The following SNX32 variants were observed in gnomAD, a reference collection of about 807,000 sequenced individuals.
SNX32 encodes sorting nexin-32.
A neutral mutation model predicts 57.0 loss-of-function variants in SNX32; 58 were observed. The observed-to-expected ratio is 1.02, with a 90% CI of 0.82 to 1.27. SNX32 has a LOEUF of 1.27. SNX32 is among the 50% of genes most tolerant of loss of function. The pLI is 0.00. For synonymous variants in SNX32, 262 were observed against 220.4 expected, an observed-to-expected ratio of 1.19 and a Z score of -1.67; for missense variants, 589 against 541.2, an observed-to-expected ratio of 1.09 and a Z score of -0.88.
chr11:65,834,797 G>A (rs1858616812), intron 1 of SNX32, among the ~76,000 whole-genome samples: 1 of 148,938 alleles, frequency 6.7e-6, no homozygotes, highest in Non-Finnish European at 1.5e-5. Context: ...GTGTCTCTGT[G>A]TGTGTGTATG....
intron 1 of SNX32, among the ~76,000 whole-genome samples, chr11:65,838,000 A>G (rs569240014): frequency 4.1e-4 from 62 of 152,128 alleles, no homozygotes; most frequent in African/African-American, 1.4e-3. Context: ...TACTAAAAAT[A>G]CAAAAATTAG....
rs185072566 is a variant in SNX32, at chr11:65,844,876, G to C, written c.37-4602G>C. Among the ~76,000 whole-genome samples the C allele has an allele frequency of 2.6e-3, 399 of 151,442 alleles. 4 individuals are homozygous for C. Among genetic ancestry groups the C allele is most frequent in the African/African-American group, 9.3e-3 (383 of 41,238 alleles). On this transcript the variant is annotated intron_variant, in intron 1 of 12. Transcript: ENST00000308342. ...AGCTACTCAGGAGGCTGAGGCAGGA[G>C]AATCACTTGAACCTGGGAGGCGGAG... is the stretch of plus-strand genomic sequence containing the variant.
chr11:65,849,726 G>A (rs1033872466), intron 2 of SNX32, 144 bp downstream of exon 2: 2 of 829,430 alleles, frequency 2.4e-6, no homozygotes, highest in African/African-American at 3.4e-5. Flanking sequence ...TGGAAAGTGA[G>A]CCTCTTAGCT....
At chr11:65,836,054 T>C (rs1443314254) in intron 1 of SNX32, among the ~76,000 whole-genome samples, 1 of 152,160 alleles carries the variant, frequency 6.6e-6, no homozygotes, top group Non-Finnish European at 1.5e-5. Context: ...TTATTTTTGC[T>C]GTATGTTCTG....
chr11:65,853,017 T>TC, intron 12 of SNX32, 59 bp downstream of exon 12: 1 of 1,494,864 alleles, frequency 6.7e-7, no homozygotes, highest in Non-Finnish European at 9.2e-7. Context: ...CCTCCCTCCC[T>TC]CCCCCAGGCA....
chr11:65,838,206 G>A (rs190127126), intron 1 of SNX32, among the ~76,000 whole-genome samples: 2 of 128,368 alleles, frequency 1.6e-5, no homozygotes, highest in African/African-American at 2.8e-5. Context: ...AGGAAGAAAA[G>A]AAGGAAGGAA....
chr11:65,848,153 G>C (rs892395119), intron 1 of SNX32, among the ~76,000 whole-genome samples: 2 of 152,172 alleles, frequency 1.3e-5, no homozygotes, highest in African/African-American at 4.8e-5. Flanking sequence ...AAAGCAGAGA[G>C]AGGAGAGAGT....
intron 1 of SNX32, among the ~76,000 whole-genome samples, chr11:65,846,335 C>T (rs1408679734): frequency 6.6e-6 from 1 of 151,480 alleles, no homozygotes; most frequent in Non-Finnish European, 1.5e-5. Context: ...CTTTGGAGGC[C>T]GAGGCGGGCG....
chr11:65,852,671 G>A lies in SNX32; in HGVS notation c.954G>A (p.Glu318=), dbSNP rs775706839. 3.8e-6 allele frequency: 6 copies of A among 1,599,010 alleles called. No homozygotes were observed. The African/African-American group carries it at 8.0e-5, about 21-fold the overall frequency. ...GGCTGCGGGCACTGGCCGACTACGA[G>A]AATGCCAACAAGGCGCTGGACAAGG... ...YRRLRALADY[E]NANKALDKAR... is the part of the protein sequence containing the mutation. Residue 318 remains glutamate, a synonymous_variant, in exon 11 of 13, where the codon GAG becomes GAA. Coordinates refer to ENST00000308342, the MANE Select transcript of SNX32 (RefSeq NM_152760.3).
chr11:65,834,644 A>G (rs1489255088), intron 1 of SNX32, among the ~76,000 whole-genome samples: 4 of 140,526 alleles, frequency 2.8e-5, no homozygotes, highest in Non-Finnish European at 6.1e-5. Context: ...GCATGTATGC[A>G]TCTGTGTGTG....
At position 65,853,381 on chromosome 11, in the gene SNX32, C is replaced by T. The variant is rs1565256957; in HGVS notation, c.*46C>T. ...ACCCTAATCTGGGATCTCCAGTGAC[C>T]AGGGTATCCCAGACCCCTCTCTCCG... On this transcript the variant is annotated 3_prime_UTR_variant, in exon 13 of 13. Coordinates refer to ENST00000308342, the MANE Select transcript of SNX32 (RefSeq NM_152760.3). 2 of 1,587,800 alleles carry T rather than the reference C, an allele frequency of 1.3e-6. No homozygotes were observed. Among genetic ancestry groups the T allele is most frequent in the Non-Finnish European group, 8.6e-7 (1 of 1,156,696 alleles).
chr11:65,843,986 AG>A (rs2134693262), intron 1 of SNX32, among the ~76,000 whole-genome samples: 1 of 152,314 alleles, frequency 6.6e-6, no homozygotes, highest in African/African-American at 2.4e-5. Context: ...ATTCCTCACC[AG>A]GTAATACCAG....
At chr11:65,841,133 C>T (rs548402411) in intron 1 of SNX32, among the ~76,000 whole-genome samples, 63 of 149,504 alleles carry the variant, frequency 4.2e-4, no homozygotes, top group African/African-American at 1.4e-3. Flanking sequence ...TTAGCAGAGA[C>T]GGGGTTTTAC....
rs1591025351 is a variant in SNX32 at position 65,839,270 on chromosome 11, C to G, written c.36+5169C>G. ...TTTGAGACGGAGTCTCGCTCTGTCGCCCAGGCTGGAGTGCAGTGGCGGGAT... is the reference window on the plus strand; with the variant it reads ...TTTGAGACGGAGTCTCGCTCTGTCGGCCAGGCTGGAGTGCAGTGGCGGGAT... On this transcript the variant is annotated intron_variant, in intron 1 of 12. Coordinates refer to ENST00000308342, the MANE Select transcript of SNX32 (RefSeq NM_152760.3). Among the ~76,000 whole-genome samples, 12 of 76,352 alleles carry G rather than the reference C, an allele frequency of 1.6e-4. No individual in the cohort carries two copies. The East Asian group carries it at 2.6e-3, about 17-fold the overall frequency. 50.1% of individuals were successfully genotyped at this position (76,352 alleles called of 152,430 possible).
chr11:65,834,393 G>GC (rs1454218367), intron 1 of SNX32, among the ~76,000 whole-genome samples: 2 of 150,732 alleles, frequency 1.3e-5, no homozygotes, highest in Non-Finnish European at 3.0e-5. Context: ...GTCTTTGTGT[G>GC]TCTCTGTGTA....
intron 2 of SNX32, 84 bp from the exon 3 acceptor site, chr11:65,849,835 AG>A: frequency 2.8e-6 from 3 of 1,088,340 alleles, no homozygotes; most frequent in Non-Finnish European, 4.0e-6. Context: ...ATGTGGGATG[AG>A]GGGGGCCCAA....
rs755185237 is a variant in SNX32 at position 65,839,223 on chromosome 11, G to GTTTTTTTTTTTTTTTTTTTTTTTTT, written c.36+5123_36+5124insTTTTTTTTTTTTTTTTTTTTTTTTT. Among the ~76,000 whole-genome samples the GTTTTTTTTTTTTTTTTTTTTTTTTT allele has an allele frequency of 2.6e-3, 59 of 22,950 alleles. 17 individuals are homozygous for GTTTTTTTTTTTTTTTTTTTTTTTTT. The highest frequency in any genetic ancestry group is 0.026 in the Middle Eastern group (1 of 38). 15.1% of individuals were successfully genotyped at this position (22,950 alleles called of 152,430 possible). On this transcript the variant is annotated intron_variant, in intron 1 of 12. Transcript: ENST00000308342. The stretch of plus-strand genomic sequence containing the variant: ...CCCACCACGCCCAGCTAATTTTTTT[G>GTTTTTTTTTTTTTTTTTTTTTTTTT]TATTTTTTTTTTTTTTTTTTTTTTG...
chr11:65,852,356 AAC>A, intron 9 of SNX32, 107 bp from the exon 10 acceptor site: 3 of 975,626 alleles, frequency 3.1e-6, no homozygotes, highest in East Asian at 2.4e-5. Context: ...CCTGACCTGG[AAC>A]AGTTACCTAA....
intron 1 of SNX32, among the ~76,000 whole-genome samples, chr11:65,839,223 G>GTTTTTTTTTTTT (rs755185237): frequency 0.01 from 240 of 23,016 alleles, 63 homozygotes; most frequent in Middle Eastern, 0.025. Flanking sequence ...TAATTTTTTT[G>GTTTTTTTTTTTT]TATTTTTTTT....
Sources: gnomAD v4.1 joint callset for allele counts (sites outside exome capture counted in the v4.1 genomes callset) on GRCh38, gnomAD v4.1.1 for gene constraint, MANE v1.5 for transcripts, NCBI Gene and HGNC (gene_info 2026-07-23, HGNC 2026-07-21) for gene names.